NPAS3: variants seen among roughly 807,000 people sequenced by gnomAD.
The protein encoded by NPAS3 is neuronal PAS domain protein 3.
NPAS3 carries 14 observed loss-of-function variants against 73.1 expected under a neutral mutation model. The observed-to-expected ratio is 0.19, with a 90% CI of 0.13 to 0.30. NPAS3 has a LOEUF of 0.30. Ranked by LOEUF, NPAS3 falls within the 10% of genes least tolerant of loss-of-function variation. The pLI is 1.00. For missense variants in NPAS3, 1,096 were observed against 1,250.0 expected (o/e 0.88, Z 1.86); for synonymous variants, 620 against 541.5 (o/e 1.14, Z -2.01).
chr14:33,801,176 A>G, downstream of NPAS3: 2 of 1,525,764 alleles, frequency 1.3e-6, no homozygotes, highest in South Asian at 2.4e-5. Context: ...TTTCGTTTAG[A>G]CCTTTAATTC....
At chr14:33,703,714 T>C (rs1174502725) in intron 6 of NPAS3, among the ~76,000 whole-genome samples, 1 of 152,088 alleles carries the variant, frequency 6.6e-6, no homozygotes, top group Non-Finnish European at 1.5e-5. Context: ...TAGGGAGAAC[T>C]TCCTATGTGC....
rs115812134 is a variant in NPAS3, at chr14:32,977,322, G to A, written c.50+37956G>A. ...AGTCAGTATTTCTGGACATAAGGCCGTTATTACCTTTCTACGAGTTTTGTC... is the reference window on the plus strand; with the variant it reads ...AGTCAGTATTTCTGGACATAAGGCCATTATTACCTTTCTACGAGTTTTGTC... On this transcript the variant is annotated intron_variant, in intron 1 of 11. Coordinates refer to ENST00000356141, the Ensembl canonical transcript of NPAS3. Among the ~76,000 whole-genome samples, 279 of 134,370 alleles carry A rather than the reference G, an allele frequency of 2.1e-3. 1 individual carries two copies. The highest frequency in any genetic ancestry group is 7.4e-3 in the African/African-American group (261 of 35,364). The allele number at this position is 134,370 out of a possible 152,430, so 88.2% of individuals were successfully genotyped here. A position where few individuals can be genotyped will look rare whatever the true frequency, so the allele number is the denominator to read the frequency against.
intron 3 of NPAS3, among the ~76,000 whole-genome samples, chr14:33,297,331 A>C (rs980886453): frequency 3.9e-5 from 6 of 152,220 alleles, no homozygotes; most frequent in African/African-American, 1.4e-4. Context: ...TATATAATGT[A>C]TCATAAGCTC....
At chr14:33,773,424 C>A (rs2062716110) in intron 7 of NPAS3, among the ~76,000 whole-genome samples, 1 of 152,176 alleles carries the variant, frequency 6.6e-6, no homozygotes, top group African/African-American at 2.4e-5. Flanking sequence ...CACACCCCCA[C>A]CCAGCCCTTC....
chr14:33,375,712 T>C (rs988722760), intron 4 of NPAS3, among the ~76,000 whole-genome samples: 2 of 152,210 alleles, frequency 1.3e-5, no homozygotes, highest in Non-Finnish European at 2.9e-5. Context: ...GATATCAGCA[T>C]TGGCATTTAG....
intron 2 of NPAS3, among the ~76,000 whole-genome samples, chr14:33,159,000 C>G (rs113320761): frequency 6.6e-6 from 1 of 151,724 alleles, no homozygotes; most frequent in Non-Finnish European, 1.5e-5. Flanking sequence ...CTGCCTCTAC[C>G]AAAAATACAA....
chr14:33,762,818 T>C (rs2062336733), intron 7 of NPAS3, among the ~76,000 whole-genome samples: 1 of 152,166 alleles, frequency 6.6e-6, no homozygotes. Flanking sequence ...ACAAAAGTCA[T>C]ATGAGTGTTT....
intron 6 of NPAS3, among the ~76,000 whole-genome samples, chr14:33,729,031 C>T (rs2061339703): frequency 6.6e-6 from 1 of 152,262 alleles, no homozygotes; most frequent in East Asian, 1.9e-4. Flanking sequence ...ATATAAAGCA[C>T]AATCCTAGGC....
chr14:33,111,083 T>C (rs2138962649), intron 2 of NPAS3, among the ~76,000 whole-genome samples: 1 of 152,266 alleles, frequency 6.6e-6, no homozygotes, highest in Admixed American at 6.5e-5. Context: ...ATCCTGCAAG[T>C]GCTGGAAAAA....
intron 5 of NPAS3, among the ~76,000 whole-genome samples, chr14:33,582,515 C>T (rs1001944118): frequency 2.6e-5 from 4 of 152,118 alleles, no homozygotes; most frequent in Non-Finnish European, 5.9e-5. Context: ...TATAATATTC[C>T]ATGTTTATGC....
Position 33,224,069 on chromosome 14 carries a change from T to A in NPAS3, c.385+8643T>A, listed in dbSNP as rs183836385. On this transcript the variant is annotated intron_variant, in intron 3 of 11. Coordinates refer to ENST00000356141, the Ensembl canonical transcript of NPAS3. ...ATTCTATATCACATCCAACTTATTT[T>A]AAAAAGTCTACCAGTTCTTGATAAT... Among the ~76,000 whole-genome samples the A allele has an allele frequency of 3.9e-5, 6 of 152,318 alleles. No homozygotes were observed. The East Asian group carries it at 1.2e-3, about 29-fold the overall frequency.
At chr14:33,745,120 A>T (rs2061755788) in intron 7 of NPAS3, among the ~76,000 whole-genome samples, 2 of 151,422 alleles carry the variant, frequency 1.3e-5, no homozygotes, top group South Asian at 4.2e-4. Context: ...ATGGTGGCAC[A>T]CTCCTATAGT....
intron 3 of NPAS3, among the ~76,000 whole-genome samples, chr14:33,252,091 G>GTA (rs1555362874): frequency 3.0e-4 from 40 of 134,226 alleles, no homozygotes; most frequent in African/African-American, 1.1e-3. Flanking sequence ...GTGTGTGTGT[G>GTA]TAATAAACCC....
intron 5 of NPAS3, among the ~76,000 whole-genome samples, chr14:33,631,002 G>A (rs991480743): frequency 6.6e-6 from 1 of 152,138 alleles, no homozygotes; most frequent in Admixed American, 6.5e-5. Context: ...TATGTTTTAG[G>A]GCTCTTATTT....
rs549306834 is a variant in NPAS3, at chr14:33,281,065, T to G, written c.385+65639T>G. Among the ~76,000 whole-genome samples the G allele has an allele frequency of 2.0e-5, 3 of 152,356 alleles. No individual in the cohort carries two copies. The South Asian group carries it at 6.2e-4, about 32-fold the overall frequency. Reference sequence around the variant, plus strand: ...ACTAAGGAGATAAGAGTTCACTTGATGCCCTCCTCTTCTTACGGTAGTGAA... The same window carrying G: ...ACTAAGGAGATAAGAGTTCACTTGAGGCCCTCCTCTTCTTACGGTAGTGAA... On this transcript the variant is annotated intron_variant, in intron 3 of 11. Transcript: ENST00000356141.
intron 1 of NPAS3, among the ~76,000 whole-genome samples, chr14:33,015,693 A>G (rs2039366514): frequency 6.6e-6 from 1 of 152,172 alleles, no homozygotes; most frequent in Non-Finnish European, 1.5e-5. Context: ...ATATATATGC[A>G]TACACAGGCA....
At chr14:33,796,668 G>A (rs1460136966) in intron 10 of NPAS3, among the ~76,000 whole-genome samples, 1 of 152,152 alleles carries the variant, frequency 6.6e-6, no homozygotes, top group East Asian at 1.9e-4. Flanking sequence ...CCATCAGGTG[G>A]CCTTGGAGTG....
chr14:33,350,497 G>T (rs543242005), intron 3 of NPAS3, among the ~76,000 whole-genome samples: 54 of 152,208 alleles, frequency 3.5e-4, no homozygotes, highest in Admixed American at 3.5e-3. Context: ...AATCCAAATC[G>T]TACATTAAAC....
In NPAS3 at chr14:33,472,026, C is replaced by T. The variant is rs118069741; in HGVS notation, c.469-88095C>T. On this transcript the variant is annotated intron_variant, in intron 4 of 11. Transcript: ENST00000356141. ...AATGGCTGATGATCTGTCACTGTCT[C>T]CCTCTCTGCCCTCATGGAGCTTGTA... Among the ~76,000 whole-genome samples the T allele has an allele frequency of 2.8e-4, 43 of 152,332 alleles. 1 individual carries two copies. In the East Asian group the frequency reaches 7.5e-3, roughly 27 times the overall value.
Sources: allele counts gnomAD v4.1 joint callset (sites outside exome capture counted in the v4.1 genomes callset), GRCh38; gene constraint gnomAD v4.1.1; transcripts MANE v1.5; gene names NCBI Gene and HGNC (gene_info 2026-07-23, HGNC 2026-07-21).